OR4M1: variants seen among roughly 807,000 people sequenced by gnomAD.
OR4M1 encodes the protein olfactory receptor 4M1.
OR4M1 carries 7 observed loss-of-function variants against 9.8 expected under a neutral mutation model. That is an observed-to-expected ratio of 0.71 (90% CI 0.41 to 1.34). The LOEUF (loss-of-function observed/expected upper bound fraction) is 1.34, where lower values mean the gene tolerates loss of function less well. Among genes scored for constraint, OR4M1 ranks in the 40% most tolerant of loss-of-function variants. The pLI is 0.01. For missense variants in OR4M1, 331 were observed against 380.4 expected (o/e 0.87, Z 1.08); for synonymous variants, 121 against 139.8 (o/e 0.87, Z 0.95).
Position 19,780,785 on chromosome 14 carries a change from C to T in OR4M1, c.463C>T (p.His155Tyr), listed in dbSNP as rs781072254. Residue 155 changes from histidine to tyrosine, a missense_variant, in exon 2 of 2, where the codon CAT becomes TAT. Physicochemically the swap from His to Tyr is moderately conservative, Grantham distance 83. Coordinates refer to ENST00000641200, the MANE Select transcript of OR4M1 (RefSeq NM_001005500.2). ...VALSWMGGFIHSIIQVALIVR... is the reference protein window; with the variant it reads ...VALSWMGGFIYSIIQVALIVR... Reference sequence around the variant, plus strand: ...TCTCTCCTGGATGGGGGGCTTCATTCATTCTATAATACAGGTGGCTCTCAT... The same window carrying T: ...TCTCTCCTGGATGGGGGGCTTCATTTATTCTATAATACAGGTGGCTCTCAT... 5.0e-6 allele frequency: 8 copies of T among 1,614,220 alleles called. No individual in the cohort carries two copies. Among genetic ancestry groups the T allele is most frequent in the Non-Finnish European group, 4.2e-6 (5 of 1,180,038 alleles).
intron 1 of OR4M1, 81 bp from the exon 2 acceptor site, chr14:19,780,213 A>T (rs1490456806): frequency 8.2e-7 from 1 of 1,225,930 alleles, no homozygotes; most frequent in Non-Finnish European, 1.1e-6. Context: ...GTGACAGAAA[A>T]CGTATGACAA....
Position 19,780,287 on chromosome 14 carries a change from T to A in OR4M1, c.-29-7T>A, listed in dbSNP as rs1336965906. The A allele has an allele frequency of 2.6e-6, 4 of 1,554,524 alleles. No homozygotes were observed. The highest frequency in any genetic ancestry group is 3.5e-6 in the Non-Finnish European group (4 of 1,152,666). On this transcript the variant is annotated splice_polypyrimidine_tract_variant and splice_region_variant and intron_variant, in intron 1 of 1. Coordinates refer to ENST00000641200, the MANE Select transcript of OR4M1 (RefSeq NM_001005500.2). ...TGGACTAATTATAGTTTCTTTAATT[T>A]TCATAGTTATATTATGAAAAGAGTA...
chr14:19,773,880 C>T lies in OR4M1; in HGVS notation c.-30+287C>T, dbSNP rs189800069. On this transcript the variant is annotated intron_variant, in intron 1 of 1. Coordinates refer to ENST00000641200, the MANE Select transcript of OR4M1 (RefSeq NM_001005500.2). ...GAAGAGACAGCTTGGTCATTTTATA[C>T]TCATAGGATGAATCATTTGTAAATA... 2.9e-3 allele frequency among the ~76,000 whole-genome samples: 439 copies of T among 152,222 alleles called. 1 individual carries two copies. In the South Asian group the frequency reaches 0.04, roughly 14 times the overall value.
rs1393185015 is a variant in OR4M1, at chr14:19,780,921, T to A, written c.599T>A (p.Ile200Asn). The A allele has an allele frequency of 6.2e-7, 1 of 1,614,114 alleles. No individual in the cohort carries two copies. The highest frequency in any genetic ancestry group is 1.3e-5 in the African/African-American group (1 of 74,934). Reference protein sequence around the residue: ...ANTFPEELVMICSSGLISVVC... With the variant: ...ANTFPEELVMNCSSGLISVVC... ...ACCTTCCCAGAGGAGTTAGTGATGA[T>A]CTGTAGTAGTGGTCTGATCTCTGTG... The change falls in exon 2 of 2, where the codon ATC becomes AAC. Residue 200 changes from isoleucine (I) to asparagine (N), a missense_variant. This residue lies in a region of OR4M1 where 122 missense variants were observed against 180.5 expected (regional missense o/e 0.68). Coordinates refer to ENST00000641200, the MANE Select transcript of OR4M1 (RefSeq NM_001005500.2).
intron 1 of OR4M1, among the ~76,000 whole-genome samples, chr14:19,774,961 G>A (rs1878266533): frequency 1.3e-5 from 2 of 152,146 alleles, no homozygotes; most frequent in Admixed American, 1.3e-4. Context: ...CTTGGCCAAG[G>A]GCACCCCAGA....
rs1277589266 is a variant in OR4M1, at chr14:19,780,573, A to T, written c.251A>T (p.Asp84Val). ...ATTACAGCCCCTAAAATGCTCATAG[A>T]CTTCTTTGTGGAGAGGAAGATAATT... is the stretch of plus-strand genomic sequence containing the variant. ...SSITAPKMLI[D>V]FFVERKIISF... Residue 84 changes from aspartate (D) to valine (V), a missense_variant, in exon 2 of 2, where the codon GAC (aspartate) becomes GTC (valine). This residue lies in a region of OR4M1 where 209 missense variants were observed against 200.0 expected (regional missense o/e 1.04). Coordinates refer to ENST00000641200, the MANE Select transcript of OR4M1 (RefSeq NM_001005500.2). The T allele has an allele frequency of 4.3e-6, 7 of 1,614,220 alleles. No homozygotes were observed. Among genetic ancestry groups the T allele is most frequent in the Middle Eastern group, 1.6e-4 (1 of 6,062 alleles).
At chr14:19,774,311 T>C (rs1286982855) in intron 1 of OR4M1, among the ~76,000 whole-genome samples, 4 of 151,976 alleles carry the variant, frequency 2.6e-5, no homozygotes, top group Non-Finnish European at 5.9e-5. Flanking sequence ...GATGTTGTGG[T>C]GTTTAATTTT....
At chr14:19,779,372 G>A (rs2815961) in intron 1 of OR4M1, among the ~76,000 whole-genome samples, 39,358 of 148,672 alleles carry the variant, frequency 0.26, 3,691 homozygotes, top group Non-Finnish European at 0.33. Flanking sequence ...CCTTGGTGTG[G>A]CAGTTTTTAA....
chr14:19,781,115 G>A lies in OR4M1; in HGVS notation c.793G>A (p.Asp265Asn). 1 of 1,614,198 alleles carries A rather than the reference G, an allele frequency of 6.2e-7. No individual in the cohort carries two copies. ...CATCTACATTTATGCTCGCCCATTT[G>A]ACTCATTTTCCCTAGATAAAGTGGT... ...PSIYIYARPF[D>N]SFSLDKVVSV... is the part of the protein sequence containing the mutation. Residue 265 changes from aspartate (D) to asparagine (N), a missense_variant, in exon 2 of 2, where the codon GAC becomes AAC. Physicochemically the swap from Asp to Asn is conservative, Grantham distance 23. Around this residue, in one of 2 missense-constraint regions of OR4M1, gnomAD observed 122 missense variants for 180.5 expected, o/e 0.68. Transcript: ENST00000641200.
intron 1 of OR4M1, among the ~76,000 whole-genome samples, chr14:19,778,620 T>C (rs1878378071): frequency 2.0e-5 from 3 of 152,234 alleles, no homozygotes; most frequent in Admixed American, 6.5e-5. Context: ...CATAGTTGAC[T>C]TATCAGTGAA....
intron 1 of OR4M1, among the ~76,000 whole-genome samples, chr14:19,779,874 T>C (rs990970563): frequency 6.6e-6 from 1 of 152,214 alleles, no homozygotes; most frequent in African/African-American, 2.4e-5. Context: ...CAAGCCTAAG[T>C]TTCCAGGTTG....
In OR4M1 at chr14:19,781,875, T is replaced by G. The variant is rs1330593428; in HGVS notation, c.*611T>G. 1 of 152,744 alleles carries G rather than the reference T, an allele frequency of 6.5e-6. No individual in the cohort carries two copies. The allele number at this position is 152,744 out of a possible 1,614,324, so 9.5% of individuals were successfully genotyped here. On this transcript the variant is annotated 3_prime_UTR_variant, in exon 2 of 2. Transcript: ENST00000641200. ...ACAGTTGGAGACAGAACTCAAAATT[T>G]TATCACATTATGAAAACAAATTTTA...
rs1398454427 is a variant in OR4M1, at chr14:19,781,953, A to G, written c.*689A>G. On this transcript the variant is annotated 3_prime_UTR_variant, in exon 2 of 2. Transcript: ENST00000641200. ...TGATACATGAGATTCATGTCATTCC[A>G]GATGAAGCCTCCAGGCAACTAGCAA... The G allele has an allele frequency of 6.6e-6, 1 of 152,400 alleles. No homozygotes were observed. The highest frequency in any genetic ancestry group is 1.5e-5 in the Non-Finnish European group (1 of 68,168). The allele number at this position is 152,400 out of a possible 1,614,324, so 9.4% of individuals were successfully genotyped here.
intron 1 of OR4M1, among the ~76,000 whole-genome samples, 153 bp downstream of exon 1, chr14:19,773,746 A>G (rs1878233473): frequency 6.6e-6 from 1 of 152,256 alleles, no homozygotes; most frequent in Admixed American, 6.5e-5. Context: ...GGGAACTGTG[A>G]TGATAGTGTA....
In OR4M1 at chr14:19,781,422, A is replaced by G. The variant is rs536395780; in HGVS notation, c.*158A>G. ...TAATTCCTCTTTATATTGAAAAAAT[A>G]GAGGCATTAAGATGAAAATAAATTT... is the stretch of plus-strand genomic sequence containing the variant. On this transcript the variant is annotated 3_prime_UTR_variant, in exon 2 of 2. Transcript: ENST00000641200. The G allele has an allele frequency of 1.4e-6, 1 of 715,466 alleles. No individual in the cohort carries two copies. The highest frequency in any genetic ancestry group is 2.8e-5 in the East Asian group (1 of 35,618). 44.3% of individuals were successfully genotyped at this position (715,466 alleles called of 1,614,324 possible).
chr14:19,779,139 G>T (rs755701179), intron 1 of OR4M1, among the ~76,000 whole-genome samples: 9 of 152,196 alleles, frequency 5.9e-5, no homozygotes, highest in African/African-American at 1.7e-4. Context: ...GAGTCAGTAG[G>T]TTCCAAAAAT....
chr14:19,778,258 A>G (rs899934907), intron 1 of OR4M1, among the ~76,000 whole-genome samples: 1 of 152,210 alleles, frequency 6.6e-6, no homozygotes, highest in Non-Finnish European at 1.5e-5. Flanking sequence ...CAAGACATCA[A>G]CACTCATTCA....
chr14:19,781,063 C>T lies in OR4M1; in HGVS notation c.741C>T (p.Thr247=), dbSNP rs1479141721. ...RAMSTCYSHI[T]IVVLMFGPSI... The stretch of plus-strand genomic sequence containing the variant: ...TGTCCACCTGCTATTCCCACATTAC[C>T]ATTGTGGTGCTAATGTTTGGGCCAT... Residue 247 remains threonine (T), a synonymous_variant, in exon 2 of 2, where the codon ACC becomes ACT. Coordinates refer to ENST00000641200, the MANE Select transcript of OR4M1 (RefSeq NM_001005500.2). 1.9e-6 allele frequency: 3 copies of T among 1,614,086 alleles called. No homozygotes were observed. The highest frequency in any genetic ancestry group is 1.7e-5 in the Admixed American group (1 of 60,006).
intron 1 of OR4M1, among the ~76,000 whole-genome samples, chr14:19,776,999 G>A (rs1448745308): frequency 3.4e-5 from 3 of 88,034 alleles, no homozygotes; most frequent in Non-Finnish European, 4.4e-5. Context: ...TTGCTGTATT[G>A]TTTAAGCCAT....
Sources: allele counts gnomAD v4.1 joint callset (sites outside exome capture counted in the v4.1 genomes callset), GRCh38; gene constraint gnomAD v4.1.1; regional missense constraint gnomAD v4.1.1; transcripts MANE v1.5; gene names NCBI Gene and HGNC (gene_info 2026-07-23, HGNC 2026-07-21).